DAB1: variants seen among roughly 807,000 people sequenced by gnomAD.
DAB1 encodes the protein DAB adaptor protein 1, also known as disabled homolog 1.
DAB1 carries 15 observed loss-of-function variants against 64.6 expected under a neutral mutation model. The observed-to-expected ratio is 0.23, with a 90% CI of 0.16 to 0.36. DAB1 has a LOEUF of 0.36. Ranked by LOEUF, DAB1 falls within the 10% of genes least tolerant of loss-of-function variation. The pLI is 1.00. For missense variants in DAB1, 596 were observed against 706.7 expected (o/e 0.84, Z 1.78); for synonymous variants, 235 against 251.9 (o/e 0.93, Z 0.64).
chr1:57,430,831 T>C (rs1267626246), intron 7 of DAB1, among the ~76,000 whole-genome samples: 1 of 151,750 alleles, frequency 6.6e-6, no homozygotes, highest in Non-Finnish European at 1.5e-5. Flanking sequence ...ATAAGAAAGG[T>C]CTATCCTTTA....
chr1:57,900,265 A>C (rs991660959), intron 5 of DAB1, among the ~76,000 whole-genome samples: 1 of 152,166 alleles, frequency 6.6e-6, no homozygotes, highest in Admixed American at 6.5e-5. Context: ...ACAGTCTCCC[A>C]TGGAGAGAGG....
At chr1:57,926,163 T>G (rs1231019652) in intron 5 of DAB1, among the ~76,000 whole-genome samples, 1 of 152,164 alleles carries the variant, frequency 6.6e-6, no homozygotes, top group East Asian at 1.9e-4. Context: ...GCCAAATCAC[T>G]TAATGTTCTT....
At chr1:57,177,045 GT>G (rs1244677686) in intron 2 of DAB1, among the ~76,000 whole-genome samples, 6 of 146,418 alleles carry the variant, frequency 4.1e-5, no homozygotes, top group Admixed American at 4.1e-4. Context: ...TTGTAAATGT[GT>G]CCTCCCCTCT....
At chr1:57,869,116 G>T (rs1304842532) in intron 1 of DAB1, among the ~76,000 whole-genome samples, 1 of 152,040 alleles carries the variant, frequency 6.6e-6, no homozygotes, top group Non-Finnish European at 1.5e-5. Flanking sequence ...ATCAGACTCT[G>T]AATTGGAATT....
At chr1:57,441,647 T>G (rs1685965919) in intron 7 of DAB1, among the ~76,000 whole-genome samples, 1 of 152,132 alleles carries the variant, frequency 6.6e-6, no homozygotes, top group South Asian at 2.1e-4. Context: ...AGTCACCATG[T>G]GCAGCCACCA....
In DAB1 at chr1:57,758,319, A is replaced by G. The variant is rs1305726659; in HGVS notation, n.552-108654T>C. On this transcript the variant is annotated intron_variant and non_coding_transcript_variant, in intron 6 of 20. Transcript: ENST00000485760. ...CAGTGAGGATAAAGAGTTTGTACAA[A>G]GTCACACTATTATTAAGATTTAAAA... Among the ~76,000 whole-genome samples the G allele has an allele frequency of 2.6e-5, 4 of 152,180 alleles. No homozygotes were observed. The South Asian group carries it at 8.3e-4, about 32-fold the overall frequency.
intron 4 of DAB1, among the ~76,000 whole-genome samples, chr1:58,240,452 T>C (rs1660243229): frequency 6.6e-6 from 1 of 152,194 alleles, no homozygotes; most frequent in South Asian, 2.1e-4. Flanking sequence ...CCTTACACAA[T>C]TTCACAGCTT....
At chr1:58,517,024 G>C (rs1313409779) in intron 2 of DAB1, among the ~76,000 whole-genome samples, 2 of 152,118 alleles carry the variant, frequency 1.3e-5, no homozygotes, top group East Asian at 3.9e-4. Context: ...AAGGGAGTCT[G>C]ATGCATCAAG....
At chr1:57,513,069 T>A (rs1644423633) in intron 7 of DAB1, among the ~76,000 whole-genome samples, 1 of 152,198 alleles carries the variant, frequency 6.6e-6, no homozygotes. Flanking sequence ...CTCAAAGGCA[T>A]ACATAATTTG....
At chr1:58,076,914 T>C (rs562155173) in intron 5 of DAB1, among the ~76,000 whole-genome samples, 3 of 152,222 alleles carry the variant, frequency 2.0e-5, no homozygotes, top group Non-Finnish European at 4.4e-5. Flanking sequence ...AAGGGAGTCT[T>C]CCTGGGTCAT....
At chr1:57,813,553 C>T (rs373396841) in intron 6 of DAB1, among the ~76,000 whole-genome samples, 7 of 152,146 alleles carry the variant, frequency 4.6e-5, no homozygotes, top group Non-Finnish European at 8.8e-5. Flanking sequence ...GCTTTCATTG[C>T]GCTAACCCAT....
chr1:58,118,503 T>TATACACACACAC (rs1341446315), intron 5 of DAB1, among the ~76,000 whole-genome samples: 44 of 53,094 alleles, frequency 8.3e-4, no homozygotes, highest in Middle Eastern at 0.011. Context: ...TATATATATA[T>TATACACACACAC]ACACACACAC....
At chr1:58,207,789 CA>C (rs976894621) in intron 4 of DAB1, among the ~76,000 whole-genome samples, 79 of 151,962 alleles carry the variant, frequency 5.2e-4, no homozygotes, top group African/African-American at 1.9e-3. Flanking sequence ...AGACATATTT[CA>C]TGAAAAAAAA....
intron 3 of DAB1, among the ~76,000 whole-genome samples, chr1:58,353,939 C>T (rs2100517832): frequency 6.6e-6 from 1 of 152,218 alleles, no homozygotes; most frequent in Middle Eastern, 3.4e-3. Context: ...ATTTTTGGTG[C>T]ATTATGCCAT....
intron 7 of DAB1, among the ~76,000 whole-genome samples, chr1:57,486,626 T>C (rs1644095012): frequency 6.6e-6 from 1 of 152,176 alleles, no homozygotes; most frequent in Non-Finnish European, 1.5e-5. Context: ...TTTTGAGATA[T>C]ATGTTTTTTT....
chr1:57,479,800 G>A (rs1481904011), intron 7 of DAB1, among the ~76,000 whole-genome samples: 1 of 152,162 alleles, frequency 6.6e-6, no homozygotes, highest in Non-Finnish European at 1.5e-5. Flanking sequence ...GGCAGACCCA[G>A]TGAAGCTATA....
At chr1:57,845,724 T>A (rs548162549) in intron 1 of DAB1, among the ~76,000 whole-genome samples, 2 of 152,336 alleles carry the variant, frequency 1.3e-5, no homozygotes, top group South Asian at 4.1e-4. Context: ...CTGATTCTGA[T>A]TGATGAATAT....
chr1:57,411,506 ACT>A (rs1684110342), intron 1 of DAB1, among the ~76,000 whole-genome samples: 1 of 152,156 alleles, frequency 6.6e-6, no homozygotes, highest in Non-Finnish European at 1.5e-5. Flanking sequence ...CAGCAGCCAG[ACT>A]CTGGCCCCCA....
chr1:58,386,826 G>A (rs1444122557), intron 3 of DAB1, among the ~76,000 whole-genome samples: 2 of 152,142 alleles, frequency 1.3e-5, no homozygotes, highest in Non-Finnish European at 2.9e-5. Context: ...TTGGGAGGCC[G>A]AGGCAGGTGG....
Sources: allele counts gnomAD v4.1 joint callset (sites outside exome capture counted in the v4.1 genomes callset), GRCh38; gene constraint gnomAD v4.1.1; transcripts MANE v1.5; gene names NCBI Gene and HGNC (gene_info 2026-07-23, HGNC 2026-07-21).